The following FAM222B variants were observed in gnomAD, a reference collection of about 807,000 sequenced individuals.
FAM222B encodes family with sequence similarity 222 member B.
FAM222B carries 12 observed loss-of-function variants against 38.0 expected under a neutral mutation model. That is an observed-to-expected ratio of 0.32 (90% CI 0.20 to 0.51). FAM222B has a LOEUF of 0.51. FAM222B is among the 20% of genes least tolerant of loss of function. The pLI is 0.97. For synonymous variants in FAM222B, 329 were observed against 317.2 expected (o/e 1.04, Z -0.40); for missense variants, 716 against 754.2 (o/e 0.95, Z 0.59).
chr17:28,809,358 A>G (rs1473719930), intron 1 of FAM222B, among the ~76,000 whole-genome samples: 4 of 151,996 alleles, frequency 2.6e-5, no homozygotes, highest in African/African-American at 9.7e-5. Context: ...GTCTCAAAAA[A>G]AAAAAAAAAA....
chr17:28,808,185 C>T (rs1382565551), intron 1 of FAM222B, among the ~76,000 whole-genome samples: 1 of 152,196 alleles, frequency 6.6e-6, no homozygotes, highest in Non-Finnish European at 1.5e-5. Context: ...GAATGCATTA[C>T]TCATTGCCCT....
chr17:28,787,555 A>G (rs759211972), intron 1 of FAM222B, among the ~76,000 whole-genome samples: 12 of 149,334 alleles, frequency 8.0e-5, no homozygotes, highest in Admixed American at 2.0e-4. Flanking sequence ...CTGAAAGCTC[A>G]AGAGGCTGCT....
intron 1 of FAM222B, among the ~76,000 whole-genome samples, chr17:28,839,789 A>G (rs929634531): frequency 6.6e-6 from 1 of 152,278 alleles, no homozygotes; most frequent in South Asian, 2.1e-4. Context: ...ACTAAAGTAA[A>G]AAGGTTAAAA....
intron 1 of FAM222B, among the ~76,000 whole-genome samples, chr17:28,816,703 T>G (rs950790893): frequency 1.3e-5 from 2 of 152,110 alleles, no homozygotes; most frequent in African/African-American, 2.4e-5. Flanking sequence ...AATTTCCTCA[T>G]AAAGAACTGC....
intron 1 of FAM222B, among the ~76,000 whole-genome samples, chr17:28,853,227 G>C (rs1189580881): frequency 1.3e-5 from 2 of 151,696 alleles, no homozygotes; most frequent in African/African-American, 4.8e-5. Flanking sequence ...ACTAGGCATG[G>C]CAGCGGCAGG....
chr17:28,767,305 G>A (rs1470593672), intron 1 of FAM222B, among the ~76,000 whole-genome samples: 5 of 151,966 alleles, frequency 3.3e-5, no homozygotes, highest in African/African-American at 9.7e-5. Flanking sequence ...AAAGGCACCC[G>A]CCACCACGCC....
At chr17:28,792,497 C>T (rs961551912) in intron 1 of FAM222B, among the ~76,000 whole-genome samples, 1 of 149,976 alleles carries the variant, frequency 6.7e-6, no homozygotes, top group Non-Finnish European at 1.5e-5. Flanking sequence ...AAGAAACAAA[C>T]AAGTTGGGCG....
At chr17:28,805,877 C>T (rs2037472776) in intron 1 of FAM222B, among the ~76,000 whole-genome samples, 1 of 152,086 alleles carries the variant, frequency 6.6e-6, no homozygotes, top group Non-Finnish European at 1.5e-5. Flanking sequence ...CACGGTGGGT[C>T]ACGCCTGTAA....
intron 1 of FAM222B, among the ~76,000 whole-genome samples, chr17:28,842,110 G>T (rs371508695): frequency 6.6e-6 from 1 of 152,182 alleles, no homozygotes; most frequent in Admixed American, 6.5e-5. Context: ...TTTGAAGCAT[G>T]ACATCTTCCT....
At chr17:28,854,955 T>G (rs1331694671) in exon 1 of FAM222B, 2 of 1,481,510 alleles carry the variant, frequency 1.3e-6, no homozygotes, top group African/African-American at 2.8e-5. Flanking sequence ...CCTACCTCTC[T>G]CCTACTCGCT....
chr17:28,847,637 G>A (rs1271098526), upstream of FAM222B, among the ~76,000 whole-genome samples: 1 of 151,608 alleles, frequency 6.6e-6, no homozygotes, highest in African/African-American at 2.4e-5. Flanking sequence ...AAACAAGGCC[G>A]GGCGCGGTGG....
At chr17:28,804,428 G>C (rs1340788100) in intron 1 of FAM222B, among the ~76,000 whole-genome samples, 1 of 151,854 alleles carries the variant, frequency 6.6e-6, no homozygotes, top group Non-Finnish European at 1.5e-5. Flanking sequence ...TCCACCTCTC[G>C]GGTTCAAGCG....
intron 1 of FAM222B, among the ~76,000 whole-genome samples, chr17:28,807,932 T>C (rs952575403): frequency 1.3e-5 from 2 of 152,216 alleles, no homozygotes; most frequent in Non-Finnish European, 2.9e-5. Flanking sequence ...AAAGGTAACT[T>C]TGTTTTGAAT....
intron 2 of FAM222B, among the ~76,000 whole-genome samples, chr17:28,763,774 A>G (rs2035195432): frequency 6.6e-6 from 1 of 152,240 alleles, no homozygotes; most frequent in South Asian, 2.1e-4. Context: ...AATGGGTGAC[A>G]ACATATGTGA....
At chr17:28,766,377 C>T (rs922010577) in intron 2 of FAM222B, among the ~76,000 whole-genome samples, 1 of 151,592 alleles carries the variant, frequency 6.6e-6, no homozygotes, top group Non-Finnish European at 1.5e-5. Context: ...TTGCTTAACC[C>T]GGGAGGGAGA....
At chr17:28,776,291 G>C (rs2035892086) in intron 1 of FAM222B, among the ~76,000 whole-genome samples, 2 of 149,290 alleles carry the variant, frequency 1.3e-5, no homozygotes. Context: ...GCAGGAGAAT[G>C]GTGTGAACCC....
intron 1 of FAM222B, among the ~76,000 whole-genome samples, chr17:28,805,854 C>T (rs1216860250): frequency 1.3e-5 from 2 of 151,898 alleles, no homozygotes; most frequent in Non-Finnish European, 2.9e-5. Context: ...AAAAATGTGC[C>T]CTTGAGGCAG....
intron 1 of FAM222B, among the ~76,000 whole-genome samples, chr17:28,782,156 C>G (rs2036192561): frequency 6.6e-6 from 1 of 151,986 alleles, no homozygotes; most frequent in Admixed American, 6.6e-5. Context: ...GACCCCATCT[C>G]TACAAAAAAT....
chr17:28,761,610 C>T (rs79488646), intron 2 of FAM222B, among the ~76,000 whole-genome samples: 16 of 152,262 alleles, frequency 1.1e-4, no homozygotes, highest in African/African-American at 3.6e-4. Flanking sequence ...GTACAGCTCT[C>T]TTTGTTTGGT....
Sources: allele counts gnomAD v4.1 joint callset (sites outside exome capture counted in the v4.1 genomes callset), GRCh38; gene constraint gnomAD v4.1.1; transcripts MANE v1.5; gene names NCBI Gene and HGNC (gene_info 2026-07-23, HGNC 2026-07-21).